Variants in MEF2C observed in about 807,000 individuals in gnomAD.
The protein encoded by MEF2C is myocyte-specific enhancer factor 2C.
Under a neutral mutation model 50.5 loss-of-function variants are expected in MEF2C, and 6 were observed. That is an observed-to-expected ratio of 0.12 (90% CI 0.07 to 0.23). The LOEUF is 0.23. Among genes scored for constraint, MEF2C ranks in the 10% least tolerant of loss-of-function variants. The pLI is 1.00. For missense variants in MEF2C, 276 were observed against 605.0 expected, an observed-to-expected ratio of 0.46 and a Z score of 5.70; for synonymous variants, 183 against 228.0, an observed-to-expected ratio of 0.80 and a Z score of 1.78.
rs66505441 is a variant in MEF2C at position 88,734,565 on chromosome 5, G to GTTTTTTTTTTTT, written c.638-2676_638-2665dup. On this transcript the variant is annotated intron_variant, in intron 6 of 10. Coordinates refer to ENST00000504921, the MANE Select transcript of MEF2C (RefSeq NM_002397.5). ...TTCACGGAGGCCTTGAGAAAAGTTT[G>GTTTTTTTTTTTT]TTTTTTTTTTTTTTTTTTTTTTTTT... 1.9e-3 allele frequency: 1,009 copies of GTTTTTTTTTTTT among 541,420 alleles called. 70 individuals are homozygous for GTTTTTTTTTTTT. The highest frequency in any genetic ancestry group is 3.3e-3 in the Admixed American group (13 of 3,976). The allele number at this position is 541,420 out of a possible 1,614,324, so 33.5% of individuals were successfully genotyped here.
chr5:88,735,342 C>A (rs1320295260), intron 6 of MEF2C: 1 of 985,230 alleles, frequency 1.0e-6, no homozygotes, highest in African/African-American at 1.7e-5. Flanking sequence ...ATGGATTCAA[C>A]CTTTTTTCAT....
intron 10 of MEF2C, among the ~76,000 whole-genome samples, chr5:88,724,316 G>A (rs752012102): frequency 3.2e-4 from 48 of 152,018 alleles, no homozygotes; most frequent in Admixed American, 7.2e-4. Context: ...CTTTTTGGGA[G>A]ATGCAATACA....
chr5:88,889,322 C>T (rs951772803), intron 1 of MEF2C: 2 of 152,326 alleles, frequency 1.3e-5, no homozygotes, highest in Admixed American at 6.5e-5. Context: ...ATTGCCGATC[C>T]TCCCCTCCAA....
At chr5:88,847,831 C>T (rs1477510095) in intron 1 of MEF2C, among the ~76,000 whole-genome samples, 2 of 152,052 alleles carry the variant, frequency 1.3e-5, no homozygotes, top group Non-Finnish European at 2.9e-5. Flanking sequence ...CATATGAGAC[C>T]ACCATTTCTA....
chr5:88,717,394 C>T lies in MEF2C; in HGVS notation c.*5210G>A, dbSNP rs1359919950. 1 of 152,214 alleles carries T rather than the reference C, an allele frequency of 6.6e-6. No individual in the cohort carries two copies. The highest frequency in any genetic ancestry group is 2.4e-5 in the African/African-American group (1 of 41,454). 9.4% of individuals were successfully genotyped at this position (152,214 alleles called of 1,614,324 possible). A position where few individuals can be genotyped will look rare whatever the true frequency, so the allele number is the denominator to read the frequency against. On this transcript the variant is annotated 3_prime_UTR_variant, in exon 11 of 11. Coordinates refer to ENST00000504921, the MANE Select transcript of MEF2C (RefSeq NM_002397.5). ...TGGCTCCCTCATAGCACTTTGTAGA[C>T]TTCCCTGAGAATGCCTTTTATCTCC...
intron 1 of MEF2C, among the ~76,000 whole-genome samples, chr5:88,899,784 A>G (rs1245971764): frequency 1.3e-5 from 2 of 152,152 alleles, no homozygotes; most frequent in Non-Finnish European, 2.9e-5. Context: ...ATATTGTTAA[A>G]TGGTTTGTTG....
At chr5:88,793,335 G>T (rs1016655775) in intron 3 of MEF2C, among the ~76,000 whole-genome samples, 3 of 152,146 alleles carry the variant, frequency 2.0e-5, no homozygotes, top group African/African-American at 7.2e-5. Flanking sequence ...GATGGGGGTT[G>T]TAAGGGCAGG....
Position 88,804,587 on chromosome 5 carries a change from T to C in MEF2C, c.258+11A>G, listed in dbSNP as rs753292253. The C allele has an allele frequency of 2.5e-6, 4 of 1,613,296 alleles. No homozygotes were observed. The South Asian group carries it at 3.3e-5, about 13-fold the overall frequency. On this transcript the variant is annotated intron_variant, in intron 3 of 10. Transcript: ENST00000504921. ...GCGGAGGCTTGGGGCTCACCACGCATGCTCTCTCACCTCCACGATGTCTGA... is the reference window on the plus strand; with the variant it reads ...GCGGAGGCTTGGGGCTCACCACGCACGCTCTCTCACCTCCACGATGTCTGA...
At chr5:88,884,871 A>T (rs1833896410), upstream of MEF2C, among the ~76,000 whole-genome samples, 1 of 152,186 alleles carries the variant, frequency 6.6e-6, no homozygotes, top group Non-Finnish European at 1.5e-5. Flanking sequence ...ACCAACTGTT[A>T]ATATATACCA....
chr5:88,848,405 T>G (rs979853002), intron 1 of MEF2C, among the ~76,000 whole-genome samples: 5 of 152,110 alleles, frequency 3.3e-5, no homozygotes, highest in Admixed American at 2.6e-4. Flanking sequence ...GGATGAAAAA[T>G]TACATCCTTA....
intron 1 of MEF2C, among the ~76,000 whole-genome samples, chr5:88,896,454 A>G (rs1449399051): frequency 6.6e-6 from 1 of 152,192 alleles, no homozygotes; most frequent in Admixed American, 6.5e-5. Context: ...TTGTTGGATG[A>G]AAGAGAGAAT....
chr5:88,870,095 T>A (rs1350303400), intron 1 of MEF2C, among the ~76,000 whole-genome samples: 1 of 151,928 alleles, frequency 6.6e-6, no homozygotes, highest in Non-Finnish European at 1.5e-5. Flanking sequence ...TGAAGGATTA[T>A]GCAGTAAATT....
At chr5:88,870,865 G>T (rs1156308057) in intron 1 of MEF2C, among the ~76,000 whole-genome samples, 1 of 151,948 alleles carries the variant, frequency 6.6e-6, no homozygotes, top group African/African-American at 2.4e-5. Context: ...AAATATCTGG[G>T]GTAAGTTTTT....
intron 4 of MEF2C, among the ~76,000 whole-genome samples, chr5:88,753,524 C>G (rs653444): frequency 6.6e-6 from 1 of 152,070 alleles, no homozygotes; most frequent in Non-Finnish European, 1.5e-5. Context: ...GCCTCCCAAG[C>G]AGTGGTTGGC....
intron 4 of MEF2C, among the ~76,000 whole-genome samples, chr5:88,753,860 T>G (rs1300154494): frequency 6.6e-6 from 1 of 152,232 alleles, no homozygotes; most frequent in African/African-American, 2.4e-5. Context: ...GAATTTAGCC[T>G]TACATGTCCA....
intron 1 of MEF2C, among the ~76,000 whole-genome samples, chr5:88,825,303 CA>C (rs1810378702): frequency 6.6e-6 from 1 of 150,474 alleles, no homozygotes; most frequent in South Asian, 2.1e-4. Context: ...TATTTAATTG[CA>C]GAAGCTATTA....
At chr5:88,799,593 C>T (rs556359238) in intron 3 of MEF2C, among the ~76,000 whole-genome samples, 1 of 152,282 alleles carries the variant, frequency 6.6e-6, no homozygotes, top group South Asian at 2.1e-4. Flanking sequence ...GAGCACTTAG[C>T]TCGTTGATAA....
At chr5:88,733,170 G>T in intron 6 of MEF2C, 16 of 985,314 alleles carry the variant, frequency 1.6e-5, no homozygotes, top group Non-Finnish European at 1.9e-5. Flanking sequence ...CACAGAAGAG[G>T]CAGGAATTGA....
chr5:88,865,128 C>A (rs756835330), intron 1 of MEF2C, among the ~76,000 whole-genome samples: 2 of 152,104 alleles, frequency 1.3e-5, no homozygotes, highest in Non-Finnish European at 2.9e-5. Context: ...AACTCCTGAC[C>A]TCAAGTGATT....
Sources: gnomAD v4.1 joint callset for allele counts (sites outside exome capture counted in the v4.1 genomes callset) on GRCh38, gnomAD v4.1.1 for gene constraint, MANE v1.5 for transcripts, NCBI Gene and HGNC (gene_info 2026-07-23, HGNC 2026-07-21) for gene names.